NLK: variants seen among roughly 807,000 people sequenced by gnomAD.
NLK encodes the protein nemo like kinase.
Under a neutral mutation model 59.0 loss-of-function variants are expected in NLK, and 11 were observed. The ratio of observed to expected loss-of-function variants is 0.19; its 90% CI spans 0.12 to 0.31. The LOEUF (loss-of-function observed/expected upper bound fraction) is 0.31. Ranked by LOEUF, NLK falls within the 10% of genes least tolerant of loss-of-function variation. The pLI is 1.00. For synonymous variants in NLK, 235 were observed against 235.9 expected, an observed-to-expected ratio of 1.00 and a Z score of 0.03; for missense variants, 410 against 661.1, an observed-to-expected ratio of 0.62 and a Z score of 4.16.
intron 1 of NLK, among the ~76,000 whole-genome samples, chr17:28,067,784 G>T (rs911561414): frequency 1.3e-5 from 2 of 151,328 alleles, no homozygotes; most frequent in Non-Finnish European, 2.9e-5. Flanking sequence ...GGATTATGGC[G>T]TTCAAAATTG....
chr17:28,047,214 GTTA>G (rs1466081116), intron 1 of NLK, among the ~76,000 whole-genome samples: 11 of 152,164 alleles, frequency 7.2e-5, no homozygotes, highest in African/African-American at 2.4e-4. Context: ...TTTTATTGTA[GTTA>G]TTGTTGGTAG....
chr17:28,109,897 C>T (rs1211609308), intron 1 of NLK, among the ~76,000 whole-genome samples: 1 of 152,172 alleles, frequency 6.6e-6, no homozygotes, highest in Non-Finnish European at 1.5e-5. Flanking sequence ...TAAGGTGCAG[C>T]CAAACTGTTT....
chr17:28,131,208 A>G (rs1906501674), intron 2 of NLK, among the ~76,000 whole-genome samples: 1 of 152,132 alleles, frequency 6.6e-6, no homozygotes, highest in Non-Finnish European at 1.5e-5. Context: ...AAATTGCAAG[A>G]GGAAACGGAA....
intron 1 of NLK, among the ~76,000 whole-genome samples, chr17:28,054,334 A>G (rs1030542926): frequency 1.6e-4 from 24 of 152,350 alleles, no homozygotes; most frequent in African/African-American, 5.8e-4. Flanking sequence ...CCAGCGTTCA[A>G]AGTAAATATT....
chr17:28,177,371 A>G (rs759430590), intron 7 of NLK, among the ~76,000 whole-genome samples: 1 of 152,214 alleles, frequency 6.6e-6, no homozygotes, highest in Non-Finnish European at 1.5e-5. Context: ...GTTAATATAA[A>G]TGCTTCTATG....
chr17:28,118,837 A>ACATG, intron 1 of NLK, among the ~76,000 whole-genome samples: 1 of 152,310 alleles, frequency 6.6e-6, no homozygotes, highest in East Asian at 1.9e-4. Flanking sequence ...CGACTCTTAA[A>ACATG]CATGCTGCTT....
chr17:28,077,862 T>G (rs772540866), intron 1 of NLK, among the ~76,000 whole-genome samples: 24 of 152,216 alleles, frequency 1.6e-4, no homozygotes, highest in Non-Finnish European at 3.4e-4. Context: ...CTATCATAGG[T>G]CTCTCTCATA....
At chr17:28,130,713 G>A (rs1388279131) in intron 2 of NLK, among the ~76,000 whole-genome samples, 2 of 152,172 alleles carry the variant, frequency 1.3e-5, no homozygotes, top group African/African-American at 2.4e-5. Flanking sequence ...GACAGGATGT[G>A]TGTTGCTCAG....
At chr17:28,168,827 C>A (rs1446103055) in intron 6 of NLK, among the ~76,000 whole-genome samples, 170 bp downstream of exon 6, 1 of 152,082 alleles carries the variant, frequency 6.6e-6, no homozygotes, top group African/African-American at 2.4e-5. Flanking sequence ...CAAAGAGATT[C>A]ATTTTGTAAC....
chr17:28,081,422 G>A (rs751875647), intron 1 of NLK, among the ~76,000 whole-genome samples: 5 of 151,976 alleles, frequency 3.3e-5, no homozygotes, highest in African/African-American at 4.8e-5. Flanking sequence ...ACTTTTTAAT[G>A]AATAGGCGAT....
At chr17:28,102,378 C>T (rs1009791245) in intron 1 of NLK, among the ~76,000 whole-genome samples, 5 of 151,956 alleles carry the variant, frequency 3.3e-5, no homozygotes, top group African/African-American at 4.8e-5. Flanking sequence ...TGGCCAGGTG[C>T]GGTGGCTCAC....
intron 1 of NLK, among the ~76,000 whole-genome samples, chr17:28,056,253 C>A (rs773936086): frequency 1.3e-5 from 2 of 152,152 alleles, no homozygotes; most frequent in Admixed American, 1.3e-4. Context: ...TTTTCATTCT[C>A]ACAAGCCTAG....
At chr17:28,080,487 A>G (rs1910308313) in intron 1 of NLK, among the ~76,000 whole-genome samples, 1 of 152,218 alleles carries the variant, frequency 6.6e-6, no homozygotes, top group Non-Finnish European at 1.5e-5. Flanking sequence ...CCCAAAGACT[A>G]GGACTATGAC....
rs372385668 is a variant in NLK, at chr17:28,161,140, C to T, written c.645-20C>T. 4.9e-6 allele frequency: 7 copies of T among 1,418,964 alleles called. No individual in the cohort carries two copies. Among genetic ancestry groups the T allele is most frequent in the Admixed American group, 3.3e-5 (2 of 59,712 alleles). 87.9% of individuals were successfully genotyped at this position (1,418,964 alleles called of 1,614,324 possible). A position where few individuals can be genotyped will look rare whatever the true frequency, so the allele number is the denominator to read the frequency against. On this transcript the variant is annotated intron_variant, in intron 3 of 10. Coordinates refer to ENST00000407008, the MANE Select transcript of NLK (RefSeq NM_016231.5). ...TAGGGGACTGAATTCGCCGAACTCT[C>T]CTTAACTTAAAACTTCAAGATATGT...
At chr17:28,093,604 C>T (rs1459339472) in intron 1 of NLK, among the ~76,000 whole-genome samples, 1 of 152,208 alleles carries the variant, frequency 6.6e-6, no homozygotes, top group Non-Finnish European at 1.5e-5. Flanking sequence ...AAAGAACATA[C>T]ACTGTAGAGT....
intron 1 of NLK, among the ~76,000 whole-genome samples, chr17:28,064,458 A>G (rs1773217023): frequency 6.6e-6 from 1 of 152,152 alleles, no homozygotes; most frequent in African/African-American, 2.4e-5. Context: ...TAGTTAGCAG[A>G]CTATTTATTG....
chr17:28,149,272 C>A (rs1311819602), intron 3 of NLK, among the ~76,000 whole-genome samples: 1 of 152,104 alleles, frequency 6.6e-6, no homozygotes, highest in African/African-American at 2.4e-5. Context: ...TTATGTTGCC[C>A]AGGCTGGTCT....
intron 1 of NLK, among the ~76,000 whole-genome samples, chr17:28,105,244 A>G (rs1436349175): frequency 6.6e-6 from 1 of 152,320 alleles, no homozygotes; most frequent in East Asian, 1.9e-4. Context: ...TTATGTCCCA[A>G]AGGAGGATTA....
downstream of NLK, among the ~76,000 whole-genome samples, chr17:28,199,485 G>T (rs952597166): frequency 6.6e-6 from 1 of 151,794 alleles, no homozygotes; most frequent in Non-Finnish European, 1.5e-5. Flanking sequence ...GGCCAAAATG[G>T]TGAAAACCCG....
Sources: gnomAD v4.1 joint callset for allele counts (sites outside exome capture counted in the v4.1 genomes callset) on GRCh38, gnomAD v4.1.1 for gene constraint, MANE v1.5 for transcripts, NCBI Gene and HGNC (gene_info 2026-07-23, HGNC 2026-07-21) for gene names.